RNF152: variants seen among roughly 807,000 people sequenced by gnomAD.
The protein encoded by RNF152 is E3 ubiquitin-protein ligase RNF152.
RNF152 carries 11 observed loss-of-function variants against 12.7 expected under a neutral mutation model. The observed-to-expected ratio is 0.86, with a 90% CI of 0.54 to 1.43. The LOEUF is 1.43. Among genes scored for constraint, RNF152 ranks in the 40% most tolerant of loss-of-function variants. RNF152 has a pLI of 0.00. For synonymous variants in RNF152, 113 were observed against 120.3 expected, an observed-to-expected ratio of 0.94 and a Z score of 0.40; for missense variants, 255 against 274.8, an observed-to-expected ratio of 0.93 and a Z score of 0.51.
intron 1 of RNF152, among the ~76,000 whole-genome samples, chr18:61,867,242 G>A (rs948837635): frequency 2.0e-5 from 3 of 152,276 alleles, no homozygotes; most frequent in East Asian, 3.9e-4. Context: ...ATTGAGGTCA[G>A]GAGTTCAAGA....
At chr18:61,868,539 C>G (rs1206582782) in intron 1 of RNF152, among the ~76,000 whole-genome samples, 1 of 152,016 alleles carries the variant, frequency 6.6e-6, no homozygotes, top group African/African-American at 2.4e-5. Flanking sequence ...CCCGTCTCTA[C>G]TAAAACTACA....
intron 1 of RNF152, among the ~76,000 whole-genome samples, chr18:61,863,662 AT>A (rs1911595641): frequency 6.6e-6 from 1 of 152,208 alleles, no homozygotes; most frequent in African/African-American, 2.4e-5. Context: ...GTGTAACCGT[AT>A]GGCCTGTCCT....
upstream of RNF152, among the ~76,000 whole-genome samples, chr18:61,893,924 C>G (rs1241278264): frequency 6.6e-6 from 1 of 151,900 alleles, no homozygotes; most frequent in Non-Finnish European, 1.5e-5. Context: ...GGACCACCTC[C>G]CCCGTGCCCC....
intron 1 of RNF152, among the ~76,000 whole-genome samples, chr18:61,871,382 C>G (rs1252173942): frequency 6.6e-6 from 1 of 152,114 alleles, no homozygotes; most frequent in Non-Finnish European, 1.5e-5. Context: ...CACCAGATAC[C>G]TTGCAAGTGC....
Position 61,810,600 on chromosome 18 carries a change from A to G in RNF152, c.*5252T>C, listed in dbSNP as rs1912930178. ...GAGGCGGAGGTTGCAGTGAGCTGAG[A>G]TCATGCCATTGCACTCTGGCCTGGG... On this transcript the variant is annotated 3_prime_UTR_variant, in exon 2 of 2. Transcript: ENST00000312828. 1 of 152,316 alleles carries G rather than the reference A, an allele frequency of 6.6e-6. No individual in the cohort carries two copies. The highest frequency in any genetic ancestry group is 1.5e-5 in the Non-Finnish European group (1 of 68,124). 9.4% of individuals were successfully genotyped at this position (152,316 alleles called of 1,614,324 possible). A position where few individuals can be genotyped will look rare whatever the true frequency, so the allele number is the denominator to read the frequency against.
intron 1 of RNF152, among the ~76,000 whole-genome samples, chr18:61,876,769 G>A (rs1166982984): frequency 6.6e-6 from 1 of 152,212 alleles, no homozygotes; most frequent in African/African-American, 2.4e-5. Flanking sequence ...ATTGCTGTGA[G>A]GAGTAGGCAC....
chr18:61,860,508 G>A (rs1377279715), intron 1 of RNF152, among the ~76,000 whole-genome samples: 2 of 152,228 alleles, frequency 1.3e-5, no homozygotes, highest in African/African-American at 4.8e-5. Flanking sequence ...TTACTCACAT[G>A]TTGATAGTGA....
chr18:61,830,543 G>A (rs1362152983), intron 1 of RNF152, among the ~76,000 whole-genome samples: 1 of 152,102 alleles, frequency 6.6e-6, no homozygotes, highest in African/African-American at 2.4e-5. Context: ...TGTCTTCAAG[G>A]TCCACCCACA....
intron 1 of RNF152, among the ~76,000 whole-genome samples, chr18:61,858,333 G>T (rs1911315652): frequency 6.7e-6 from 1 of 149,722 alleles, no homozygotes; most frequent in African/African-American, 2.5e-5. Flanking sequence ...ATCTCCCCTG[G>T]AACCATATAC....
At chr18:61,876,882 C>G (rs927193807) in intron 1 of RNF152, among the ~76,000 whole-genome samples, 1 of 152,176 alleles carries the variant, frequency 6.6e-6, no homozygotes, top group East Asian at 1.9e-4. Flanking sequence ...GAACAAAACA[C>G]TAGACTCAGA....
At position 61,816,208 on chromosome 18, in the gene RNF152, C is replaced by T. The variant is rs770167153; in HGVS notation, c.256G>A (p.Glu86Lys). The T allele has an allele frequency of 1.7e-5, 27 of 1,614,070 alleles. No homozygotes were observed. Among genetic ancestry groups the T allele is most frequent in the Non-Finnish European group, 2.1e-5 (25 of 1,180,046 alleles). The change falls in exon 2 of 2, where the codon GAA becomes AAA. Residue 86 changes from glutamate to lysine, a missense_variant. Transcript: ENST00000312828. Reference sequence around the variant, plus strand: ...AGTTTGATGAAGACCGGGGTGTGTTCGGAAGTGTGTGGAATGGCGATGACA... The same window carrying T: ...AGTTTGATGAAGACCGGGGTGTGTTTGGAAGTGTGTGGAATGGCGATGACA... The part of the protein sequence containing the change: ...LAVIAIPHTS[E>K]HTPVFIKLPS...
chr18:61,823,146 A>G (rs1310443475), intron 1 of RNF152, among the ~76,000 whole-genome samples: 1 of 152,218 alleles, frequency 6.6e-6, no homozygotes, highest in Non-Finnish European at 1.5e-5. Context: ...ACGTAACTAC[A>G]GTCATTGTTT....
At chr18:61,886,807 G>T (rs1329662812) in intron 1 of RNF152, among the ~76,000 whole-genome samples, 1 of 152,232 alleles carries the variant, frequency 6.6e-6, no homozygotes, top group Non-Finnish European at 1.5e-5. Context: ...AATCGTAGGT[G>T]ATAATACAAG....
At chr18:61,865,274 C>G (rs1911677316) in intron 1 of RNF152, among the ~76,000 whole-genome samples, 2 of 152,148 alleles carry the variant, frequency 1.3e-5, no homozygotes, top group African/African-American at 4.8e-5. Flanking sequence ...ATTTTGTCAG[C>G]TTGAAAATAT....
At chr18:61,835,956 G>A (rs1910161986) in intron 1 of RNF152, among the ~76,000 whole-genome samples, 1 of 152,184 alleles carries the variant, frequency 6.6e-6, no homozygotes, top group Admixed American at 6.5e-5. Flanking sequence ...TAGAATGGGA[G>A]AAGGTGAGAA....
intron 1 of RNF152, among the ~76,000 whole-genome samples, chr18:61,871,757 G>A (rs556350873): frequency 5.3e-4 from 81 of 152,284 alleles, no homozygotes; most frequent in Non-Finnish European, 9.1e-4. Context: ...GCCCACCTTG[G>A]AGCTGCAGAG....
intron 1 of RNF152, among the ~76,000 whole-genome samples, chr18:61,817,403 A>G (rs1243913738): frequency 6.6e-6 from 1 of 152,218 alleles, no homozygotes; most frequent in Admixed American, 6.5e-5. Context: ...CCCATGAACA[A>G]CACAGGTTTG....
chr18:61,826,857 G>A (rs371411283), intron 1 of RNF152, among the ~76,000 whole-genome samples: 28 of 152,218 alleles, frequency 1.8e-4, no homozygotes, highest in East Asian at 1.7e-3. Context: ...CAAAATTATT[G>A]TGCATTCTAT....
intron 1 of RNF152, among the ~76,000 whole-genome samples, chr18:61,834,052 T>C (rs1461677828): frequency 1.3e-5 from 2 of 152,246 alleles, no homozygotes; most frequent in East Asian, 1.9e-4. Flanking sequence ...GCACCTACTA[T>C]GTACCAGACA....
Sources: gnomAD v4.1 joint callset for allele counts (sites outside exome capture counted in the v4.1 genomes callset) on GRCh38, gnomAD v4.1.1 for gene constraint, MANE v1.5 for transcripts, NCBI Gene and HGNC (gene_info 2026-07-23, HGNC 2026-07-21) for gene names.